UBE3D: variants seen among roughly 807,000 people sequenced by gnomAD.
The protein encoded by UBE3D is E3 ubiquitin-protein ligase E3D.
A neutral mutation model predicts 49.6 loss-of-function variants in UBE3D; 48 were observed. The observed-to-expected ratio is 0.97, with a 90% confidence interval of 0.77 to 1.23. The LOEUF (loss-of-function observed/expected upper bound fraction) is 1.23, where lower values mean the gene tolerates loss of function less well. UBE3D is among the 50% of genes most tolerant of loss of function. The pLI, the probability that UBE3D is intolerant of heterozygous loss-of-function variation, is 0.00. For missense variants in UBE3D, 452 were observed against 468.4 expected (o/e 0.96, Z 0.32); for synonymous variants, 189 against 174.2 (o/e 1.08, Z -0.67).
chr6:82,911,022 T>C (rs1772464424), intron 9 of UBE3D, among the ~76,000 whole-genome samples: 1 of 151,832 alleles, frequency 6.6e-6, no homozygotes, highest in Non-Finnish European at 1.5e-5. Flanking sequence ...AGAAGACAAA[T>C]ATAGACACCA....
At chr6:83,027,460 A>AAAAAAAAAAAAAAAAC (rs1472360166) in intron 5 of UBE3D, among the ~76,000 whole-genome samples, 1 of 148,548 alleles carries the variant, frequency 6.7e-6, no homozygotes, top group African/African-American at 2.4e-5. Flanking sequence ...AAAAAAAAAA[A>AAAAAAAAAAAAAAAAC]AGAAACCACT....
In UBE3D at chr6:83,054,197, A is replaced by T; in HGVS notation, c.316T>A (p.Cys106Ser). ...MFNQSSQTQECCTFYCQSCGE... is the reference protein window; with the variant it reads ...MFNQSSQTQESCTFYCQSCGE... ...CAGGATTGGCAATAAAACGTGCAAC[A>T]TTCTTGGGTTTGCGAGCTTTGATTA... The change falls in exon 3 of 10, where the codon TGT becomes AGT. Residue 106 changes from cysteine (C) to serine (S), a missense_variant. By Grantham distance (112) the Cys-to-Ser change is moderately radical. Transcript: ENST00000369747. The T allele has an allele frequency of 6.2e-7, 1 of 1,614,096 alleles. No homozygotes were observed. Among genetic ancestry groups the T allele is most frequent in the East Asian group, 2.2e-5 (1 of 44,856 alleles).
intron 8 of UBE3D, among the ~76,000 whole-genome samples, chr6:83,005,996 G>A (rs1350430887): frequency 2.0e-5 from 3 of 152,002 alleles, no homozygotes; most frequent in Non-Finnish European, 2.9e-5. Flanking sequence ...AGGCTGAGAT[G>A]GGTGTATCAC....
chr6:83,039,082 C>T (rs1782465596), intron 4 of UBE3D, among the ~76,000 whole-genome samples: 1 of 152,182 alleles, frequency 6.6e-6, no homozygotes, highest in African/African-American at 2.4e-5. Context: ...TTCAAAAATC[C>T]AAATTCGCTA....
intron 8 of UBE3D, among the ~76,000 whole-genome samples, chr6:82,989,327 G>A (rs1324529288): frequency 6.6e-6 from 1 of 151,936 alleles, no homozygotes; most frequent in African/African-American, 2.4e-5. Flanking sequence ...GATGGGGTTT[G>A]GGGAGCAAAT....
downstream of UBE3D, among the ~76,000 whole-genome samples, chr6:82,889,127 G>T (rs923655941): frequency 5.3e-5 from 8 of 152,180 alleles, no homozygotes; most frequent in Admixed American, 1.3e-4. Context: ...ACACTCCTCT[G>T]ATGGGTAACA....
intron 8 of UBE3D, among the ~76,000 whole-genome samples, chr6:82,991,675 G>A (rs892427689): frequency 6.6e-6 from 1 of 152,042 alleles, no homozygotes; most frequent in African/African-American, 2.4e-5. Context: ...GATAAATTTT[G>A]TTAAGAAATT....
chr6:83,010,769 C>T (rs1582630308), intron 8 of UBE3D, among the ~76,000 whole-genome samples: 1 of 152,246 alleles, frequency 6.6e-6, no homozygotes, highest in East Asian at 1.9e-4. Flanking sequence ...CAAAGCCAGC[C>T]TAGTCTTTTC....
intron 9 of UBE3D, among the ~76,000 whole-genome samples, chr6:82,912,068 G>T (rs1325130589): frequency 6.6e-6 from 1 of 150,994 alleles, no homozygotes; most frequent in African/African-American, 2.5e-5. Flanking sequence ...AATTTGTTCT[G>T]AAGTTCTGAT....
chr6:83,046,452 T>C (rs1174373667), intron 3 of UBE3D, among the ~76,000 whole-genome samples: 1 of 152,168 alleles, frequency 6.6e-6, no homozygotes, highest in East Asian at 1.9e-4. Context: ...ATCAAAGTGC[T>C]GAGCCTGTTA....
intron 9 of UBE3D, among the ~76,000 whole-genome samples, chr6:82,907,582 T>C (rs575838960): frequency 6.6e-6 from 1 of 152,146 alleles, no homozygotes; most frequent in South Asian, 2.1e-4. Flanking sequence ...CAAGAGAAGA[T>C]AAAGCACATG....
intron 8 of UBE3D, among the ~76,000 whole-genome samples, chr6:83,015,718 T>C (rs1245360082): frequency 6.6e-6 from 1 of 152,128 alleles, no homozygotes; most frequent in East Asian, 1.9e-4. Flanking sequence ...AACAGAGGTA[T>C]TGGGGGTGGC....
intron 8 of UBE3D, among the ~76,000 whole-genome samples, chr6:82,963,120 T>G (rs1776668532): frequency 1.3e-5 from 2 of 150,706 alleles, no homozygotes; most frequent in African/African-American, 4.9e-5. Flanking sequence ...TAAATAAAAA[T>G]GAAATTAGTT....
Position 82,959,252 on chromosome 6 carries a change from T to C in UBE3D, c.1011-1802A>G, listed in dbSNP as rs145627971. On this transcript the variant is annotated intron_variant, in intron 8 of 9. Coordinates refer to ENST00000369747, the MANE Select transcript of UBE3D (RefSeq NM_198920.3). ...AAAAGTTCCCCCACCCCCCTCAAAA[T>C]CTGTAGAGCATAAGTCTTGGCCTAA... Among the ~76,000 whole-genome samples, 295 of 148,638 alleles carry C rather than the reference T, an allele frequency of 2.0e-3. 3 individuals are homozygous for C. Among genetic ancestry groups the C allele is most frequent in the African/African-American group, 6.4e-3 (258 of 40,286 alleles).
At chr6:82,977,143 A>G (rs1401213232) in intron 8 of UBE3D, among the ~76,000 whole-genome samples, 1 of 126,056 alleles carries the variant, frequency 7.9e-6, no homozygotes, top group African/African-American at 2.8e-5. Flanking sequence ...AAAAAAAAAG[A>G]AGGTAAAGAA....
intron 9 of UBE3D, among the ~76,000 whole-genome samples, chr6:82,898,591 AC>A (rs1771503674): frequency 6.6e-6 from 1 of 150,968 alleles, no homozygotes; most frequent in Non-Finnish European, 1.5e-5. Context: ...AAAACCAAAC[AC>A]CACATATTCT....
At chr6:82,930,330 T>C (rs1302923687) in intron 9 of UBE3D, among the ~76,000 whole-genome samples, 2 of 152,092 alleles carry the variant, frequency 1.3e-5, no homozygotes, top group African/African-American at 2.4e-5. Flanking sequence ...AGCGTGAGAA[T>C]GAATTAATAC....
At position 83,057,892 on chromosome 6, in the gene UBE3D, C is replaced by T. The variant is rs1783914622; in HGVS notation, c.208G>A (p.Gly70Arg). Residue 70 changes from glycine (G) to arginine (R), a missense_variant, in exon 2 of 10, where the codon GGG (glycine) becomes AGG (arginine). By Grantham distance (125) the Gly-to-Arg change is moderately radical. Transcript: ENST00000369747. Reference protein sequence around the residue: ...EVRLVPSSCRGLQFVVGDGLH... With the variant: ...EVRLVPSSCRRLQFVVGDGLH... The stretch of plus-strand genomic sequence containing the variant: ...CCATCTCCAACAACAAACTGTAGCC[C>T]ACGGCAAGAGGAAGGTACAAGCCTG... 1 of 1,614,020 alleles carries T rather than the reference C, an allele frequency of 6.2e-7. No individual in the cohort carries two copies. Among genetic ancestry groups the T allele is most frequent in the Non-Finnish European group, 8.5e-7 (1 of 1,180,038 alleles).
intron 8 of UBE3D, among the ~76,000 whole-genome samples, chr6:82,987,093 A>G (rs1427630423): frequency 6.6e-6 from 1 of 151,924 alleles, no homozygotes; most frequent in Non-Finnish European, 1.5e-5. Flanking sequence ...TACAGGTGCT[A>G]CAGATGTAGC....
Sources: allele counts gnomAD v4.1 joint callset (sites outside exome capture counted in the v4.1 genomes callset), GRCh38; gene constraint gnomAD v4.1.1; transcripts MANE v1.5; gene names NCBI Gene and HGNC (gene_info 2026-07-23, HGNC 2026-07-21).